Variants in CACNB4 observed in about 807,000 individuals in gnomAD.
CACNB4 encodes the protein voltage-dependent L-type calcium channel subunit beta-4.
In CACNB4, 32 loss-of-function variants were observed where a neutral mutation model predicts 71.2. The observed-to-expected ratio is 0.45, with a 90% CI of 0.34 to 0.60. The LOEUF is 0.60. CACNB4 is among the 20% of genes least tolerant of loss of function. The probability of loss-of-function intolerance (pLI) is 0.01; values close to 1 mark genes in which losing one functional copy is unlikely to be tolerated. For synonymous variants in CACNB4, 231 were observed against 236.9 expected (o/e 0.97, Z 0.23); for missense variants, 464 against 647.9 (o/e 0.72, Z 3.08).
chr2:151,941,600 A>AG lies in CACNB4; in HGVS notation c.148-58231dup, dbSNP rs1316226902. 2.3e-4 allele frequency among the ~76,000 whole-genome samples: 35 copies of AG among 151,868 alleles called. No individual in the cohort carries two copies. In the South Asian group the frequency reaches 7.3e-3, roughly 32 times the overall value. ...CCCAACTTCGTCTCAATTTTTGAAA[A>AG]GGGAAAAAAAAAAAGAATTGTAAGA... is the stretch of plus-strand genomic sequence containing the variant. On this transcript the variant is annotated intron_variant, in intron 2 of 13. Transcript: ENST00000539935.
chr2:151,918,241 G>A (rs1479398509), intron 2 of CACNB4, among the ~76,000 whole-genome samples: 1 of 152,176 alleles, frequency 6.6e-6, no homozygotes, highest in Non-Finnish European at 1.5e-5. Flanking sequence ...ATTGATTGAA[G>A]TCTATTATAT....
chr2:151,993,521 A>G (rs1681837658), intron 2 of CACNB4, among the ~76,000 whole-genome samples: 1 of 151,822 alleles, frequency 6.6e-6, no homozygotes, highest in Non-Finnish European at 1.5e-5. Flanking sequence ...GGATAGTGCC[A>G]GAGACTACTT....
chr2:151,966,290 AT>A (rs1276568955), intron 2 of CACNB4, among the ~76,000 whole-genome samples: 1 of 151,738 alleles, frequency 6.6e-6, no homozygotes, highest in African/African-American at 2.4e-5. Context: ...TTATTTATTT[AT>A]TTTTTAAGAT....
At chr2:151,962,433 G>A (rs529525816) in intron 2 of CACNB4, among the ~76,000 whole-genome samples, 19 of 151,574 alleles carry the variant, frequency 1.3e-4, no homozygotes, top group Admixed American at 1.1e-3. Flanking sequence ...ACAGTTCCTC[G>A]TACCTTTTAC....
chr2:152,028,049 G>A (rs1452954773), intron 2 of CACNB4, among the ~76,000 whole-genome samples: 1 of 152,058 alleles, frequency 6.6e-6, no homozygotes, highest in East Asian at 1.9e-4. Context: ...GTCAGAGGTT[G>A]ACACCTGCTC....
chr2:151,918,985 G>A (rs914424348), intron 2 of CACNB4, among the ~76,000 whole-genome samples: 1 of 152,196 alleles, frequency 6.6e-6, no homozygotes, highest in African/African-American at 2.4e-5. Context: ...ATGAATCCCT[G>A]TTCTCTGAAG....
At chr2:151,907,037 G>A (rs1170756873) in intron 2 of CACNB4, among the ~76,000 whole-genome samples, 1 of 151,996 alleles carries the variant, frequency 6.6e-6, no homozygotes, top group Non-Finnish European at 1.5e-5. Context: ...GTACTCTGAG[G>A]TGAAAACCAC....
chr2:151,898,503 C>T (rs1270978053), intron 2 of CACNB4, among the ~76,000 whole-genome samples: 1 of 152,206 alleles, frequency 6.6e-6, no homozygotes, highest in Non-Finnish European at 1.5e-5. Flanking sequence ...CCCTCAGAGA[C>T]AAAACACTCT....
intron 2 of CACNB4, among the ~76,000 whole-genome samples, chr2:151,917,028 G>A (rs2099857706): frequency 6.6e-6 from 1 of 152,120 alleles, no homozygotes; most frequent in Admixed American, 6.5e-5. Flanking sequence ...AAAATTAAAT[G>A]GATATATTTA....
chr2:152,025,483 G>T lies in CACNB4; in HGVS notation c.147+72847C>A, dbSNP rs543327735. Among the ~76,000 whole-genome samples, 4 of 152,290 alleles carry T rather than the reference G, an allele frequency of 2.6e-5. No individual in the cohort carries two copies. In the South Asian group the frequency reaches 8.3e-4, roughly 32 times the overall value. Reference sequence around the variant, plus strand: ...CAGCCTCTATTGTAAGCATAAGAAAGAGCAGAAATAAGACAAATATGCATT... The same window carrying T: ...CAGCCTCTATTGTAAGCATAAGAAATAGCAGAAATAAGACAAATATGCATT... On this transcript the variant is annotated intron_variant, in intron 2 of 13. Transcript: ENST00000539935.
intron 11 of CACNB4, chr2:151,854,261 T>C (rs1301066337): frequency 1.3e-5 from 2 of 152,320 alleles, no homozygotes; most frequent in African/African-American, 4.8e-5. Context: ...TGAACTCTCC[T>C]GCACTGCAGT....
intron 12 of CACNB4, among the ~76,000 whole-genome samples, chr2:151,843,535 C>CA (rs1185965004): frequency 1.3e-5 from 2 of 151,954 alleles, no homozygotes; most frequent in Non-Finnish European, 2.9e-5. Flanking sequence ...AGGCTGGTCT[C>CA]AAACTCCTGG....
chr2:152,028,144 A>G (rs544172848), intron 2 of CACNB4, among the ~76,000 whole-genome samples: 19 of 152,330 alleles, frequency 1.2e-4, no homozygotes, highest in African/African-American at 3.8e-4. Context: ...CAAAGAGGGC[A>G]TGACCTACAA....
At chr2:151,896,034 C>T (rs924173282) in intron 2 of CACNB4, among the ~76,000 whole-genome samples, 50 of 152,040 alleles carry the variant, frequency 3.3e-4, no homozygotes, top group African/African-American at 1.0e-3. Context: ...TTTGTAGAGA[C>T]GGGGTTTCAC....
intron 2 of CACNB4, among the ~76,000 whole-genome samples, chr2:152,028,722 A>G (rs1684107160): frequency 6.6e-6 from 1 of 152,218 alleles, no homozygotes; most frequent in South Asian, 2.1e-4. Flanking sequence ...GAGATTTGGG[A>G]GAGTCACAAG....
At chr2:152,044,284 A>G (rs1685026961) in intron 2 of CACNB4, among the ~76,000 whole-genome samples, 1 of 152,108 alleles carries the variant, frequency 6.6e-6, no homozygotes, top group South Asian at 2.1e-4. Context: ...GCAGTGGAGC[A>G]ATCTTGGCTC....
At chr2:151,891,022 T>C (rs2099850599) in intron 2 of CACNB4, among the ~76,000 whole-genome samples, 1 of 152,200 alleles carries the variant, frequency 6.6e-6, no homozygotes, top group Admixed American at 6.5e-5. Context: ...TATATAAATA[T>C]ACAGTATAGT....
chr2:151,903,755 G>T (rs541940335), intron 2 of CACNB4, among the ~76,000 whole-genome samples: 1 of 152,292 alleles, frequency 6.6e-6, no homozygotes, highest in South Asian at 2.1e-4. Flanking sequence ...TACTCTGAAA[G>T]CTCCCTGCTC....
chr2:151,976,646 C>G (rs1242726624), intron 2 of CACNB4, among the ~76,000 whole-genome samples: 1 of 152,180 alleles, frequency 6.6e-6, no homozygotes, highest in Non-Finnish European at 1.5e-5. Flanking sequence ...TCGGGCTGAT[C>G]CCAGAGTTCC....
Sources: gnomAD v4.1 joint callset for allele counts (sites outside exome capture counted in the v4.1 genomes callset) on GRCh38, gnomAD v4.1.1 for gene constraint, MANE v1.5 for transcripts, NCBI Gene and HGNC (gene_info 2026-07-23, HGNC 2026-07-21) for gene names.